MACROD2: variants seen among roughly 807,000 people sequenced by gnomAD.
MACROD2 encodes ADP-ribose glycohydrolase MACROD2.
Under a neutral mutation model 70.4 loss-of-function variants are expected in MACROD2, and 36 were observed. That is an observed-to-expected ratio of 0.51 (90% CI 0.39 to 0.68). The LOEUF (loss-of-function observed/expected upper bound fraction) is 0.68. Among genes scored for constraint, MACROD2 ranks in the 30% least tolerant of loss-of-function variants. MACROD2 has a pLI of 0.00. For missense variants in MACROD2, 496 were observed against 538.4 expected (o/e 0.92, Z 0.78); for synonymous variants, 172 against 178.8 (o/e 0.96, Z 0.30).
At chr20:15,582,211 C>T (rs2048535152) in intron 8 of MACROD2, among the ~76,000 whole-genome samples, 1 of 152,126 alleles carries the variant, frequency 6.6e-6, no homozygotes, top group Admixed American at 6.5e-5. Flanking sequence ...TCCAGCACCT[C>T]CTAGGGCCAG....
In MACROD2 at chr20:16,007,740, T is replaced by A. The variant is rs542935043; in HGVS notation, c.1153+20582T>A. On this transcript the variant is annotated intron_variant, in intron 15 of 17. Coordinates refer to ENST00000684519, the MANE Select transcript of MACROD2 (RefSeq NM_001351661.2). ...AGTAGGTGGAGCAAGGCCCTGACAT[T>A]TATTATCTAACTTGTGACCCAGCAT... 7.2e-5 allele frequency among the ~76,000 whole-genome samples: 11 copies of A among 152,176 alleles called. No individual in the cohort carries two copies. In the East Asian group the frequency reaches 2.1e-3, roughly 29 times the overall value.
At chr20:14,904,930 T>C (rs1177659668) in intron 5 of MACROD2, 1 of 152,160 alleles carries the variant, frequency 6.6e-6, no homozygotes, top group African/African-American at 2.4e-5. Flanking sequence ...AGATAGGAAA[T>C]AGCTGGCTGC....
At chr20:14,946,395 A>G (rs1234276523) in intron 5 of MACROD2, among the ~76,000 whole-genome samples, 1 of 152,168 alleles carries the variant, frequency 6.6e-6, no homozygotes, top group Admixed American at 6.5e-5. Flanking sequence ...GATGATATAT[A>G]TCAGAAAAAA....
Position 15,636,660 on chromosome 20 carries a change from G to A in MACROD2, c.645+136813G>A, listed in dbSNP as rs959482628. 1.1e-4 allele frequency among the ~76,000 whole-genome samples: 16 copies of A among 152,166 alleles called. 1 individual carries two copies. The highest frequency in any genetic ancestry group is 9.8e-4 in the Admixed American group (15 of 15,280). Reference sequence around the variant, plus strand: ...ATTTCGTGGCCAGTGTAAAACAAAAGTGGGAGAGTGATAGGGCAGAAAGTG... The same window carrying A: ...ATTTCGTGGCCAGTGTAAAACAAAAATGGGAGAGTGATAGGGCAGAAAGTG... On this transcript the variant is annotated intron_variant, in intron 8 of 17. Coordinates refer to ENST00000684519, the MANE Select transcript of MACROD2 (RefSeq NM_001351661.2).
chr20:14,841,401 C>G (rs966971922), intron 5 of MACROD2, among the ~76,000 whole-genome samples: 2 of 152,148 alleles, frequency 1.3e-5, no homozygotes, highest in Admixed American at 6.6e-5. Flanking sequence ...GGAAACCCCA[C>G]CGTCTTCACT....
At chr20:14,886,341 G>T (rs562858716) in intron 5 of MACROD2, among the ~76,000 whole-genome samples, 1 of 152,188 alleles carries the variant, frequency 6.6e-6, no homozygotes, top group Non-Finnish European at 1.5e-5. Flanking sequence ...GAGGAAAGCA[G>T]AAGAAGAGAA....
intron 3 of MACROD2, among the ~76,000 whole-genome samples, chr20:14,126,181 G>T (rs1263514029): frequency 6.6e-6 from 1 of 152,202 alleles, no homozygotes; most frequent in Non-Finnish European, 1.5e-5. Flanking sequence ...GATCAGACCA[G>T]CAGGTTTAGT....
intron 8 of MACROD2, among the ~76,000 whole-genome samples, chr20:15,547,394 A>G (rs111346533): frequency 2.0e-5 from 3 of 152,282 alleles, no homozygotes; most frequent in African/African-American, 7.2e-5. Flanking sequence ...TAATATGCCT[A>G]TCGCCATCAT....
At chr20:14,947,369 G>C (rs568632574) in intron 5 of MACROD2, among the ~76,000 whole-genome samples, 1 of 152,328 alleles carries the variant, frequency 6.6e-6, no homozygotes, top group South Asian at 2.1e-4. Context: ...ACAGGCCCTT[G>C]TGTATGCTCT....
At chr20:14,743,428 T>A (rs1005411214) in intron 5 of MACROD2, among the ~76,000 whole-genome samples, 4 of 152,086 alleles carry the variant, frequency 2.6e-5, no homozygotes, top group Non-Finnish European at 5.9e-5. Context: ...CAGACAGAGA[T>A]GTGCCTGAAA....
intron 3 of MACROD2, among the ~76,000 whole-genome samples, chr20:14,215,397 T>C (rs2081612506): frequency 6.6e-6 from 1 of 150,560 alleles, no homozygotes; most frequent in African/African-American, 2.4e-5. Context: ...TTTCTTTAGC[T>C]ACTTGTTGAT....
chr20:15,819,218 AAT>A (rs3071401), intron 8 of MACROD2, among the ~76,000 whole-genome samples: 8,835 of 145,402 alleles, frequency 0.061, 831 homozygotes, highest in African/African-American at 0.2. Flanking sequence ...TATATATAAA[AAT>A]ATATATATTT....
At chr20:15,018,396 C>A (rs1040414346) in intron 5 of MACROD2, among the ~76,000 whole-genome samples, 4 of 152,154 alleles carry the variant, frequency 2.6e-5, no homozygotes, top group African/African-American at 7.2e-5. Context: ...GCATTTTGGG[C>A]AAAGCTATTC....
chr20:14,834,674 C>T (rs2073009346), intron 5 of MACROD2, among the ~76,000 whole-genome samples: 1 of 151,858 alleles, frequency 6.6e-6, no homozygotes, highest in Non-Finnish European at 1.5e-5. Flanking sequence ...ATATATCTAC[C>T]TGTGAACCAC....
chr20:15,407,582 G>C (rs529215448), intron 6 of MACROD2, among the ~76,000 whole-genome samples: 1 of 152,112 alleles, frequency 6.6e-6, no homozygotes, highest in Non-Finnish European at 1.5e-5. Context: ...AGCCTAGCAC[G>C]GTGCTTAAGA....
At chr20:15,219,156 C>T (rs8123388) in intron 5 of MACROD2, among the ~76,000 whole-genome samples, 2 of 152,178 alleles carry the variant, frequency 1.3e-5, no homozygotes, top group African/African-American at 2.4e-5. Context: ...ATCACTGTTT[C>T]TTCAAACTTG....
intron 5 of MACROD2, among the ~76,000 whole-genome samples, chr20:14,950,507 T>C (rs2074467033): frequency 6.6e-6 from 1 of 152,174 alleles, no homozygotes; most frequent in Non-Finnish European, 1.5e-5. Flanking sequence ...GAATAACCTC[T>C]GTAAGGACAA....
At chr20:14,622,599 C>T (rs557765164) in intron 4 of MACROD2, among the ~76,000 whole-genome samples, 5 of 152,090 alleles carry the variant, frequency 3.3e-5, no homozygotes, top group Non-Finnish European at 7.4e-5. Context: ...CAGAGTCTAG[C>T]TTTCTAGGAT....
At chr20:15,618,580 GA>G (rs1251861587) in intron 8 of MACROD2, among the ~76,000 whole-genome samples, 2 of 147,096 alleles carry the variant, frequency 1.4e-5, no homozygotes, top group Non-Finnish European at 3.0e-5. Context: ...CAGTTATTTG[GA>G]AAAAAGGTAA....
Sources: allele counts gnomAD v4.1 joint callset (sites outside exome capture counted in the v4.1 genomes callset), GRCh38; gene constraint gnomAD v4.1.1; transcripts MANE v1.5; gene names NCBI Gene and HGNC (gene_info 2026-07-23, HGNC 2026-07-21).